Variants in CLOCK observed in about 807,000 individuals in gnomAD.
CLOCK encodes clock circadian regulator, also known as circadian locomoter output cycles protein kaput.
In CLOCK, 43 loss-of-function variants were observed where a neutral mutation model predicts 118.4. The ratio of observed to expected loss-of-function variants is 0.36; its 90% confidence interval spans 0.28 to 0.47. The LOEUF (loss-of-function observed/expected upper bound fraction) is 0.47. Ranked by LOEUF, CLOCK falls within the 20% of genes least tolerant of loss-of-function variation. The pLI, the probability that CLOCK is intolerant of heterozygous loss-of-function variation, is 1.00. For synonymous variants in CLOCK, 326 were observed against 339.2 expected, an observed-to-expected ratio of 0.96 and a Z score of 0.43; for missense variants, 846 against 999.9, an observed-to-expected ratio of 0.85 and a Z score of 2.08.
At chr4:55,512,624 A>AT (rs143397249) in intron 1 of CLOCK, among the ~76,000 whole-genome samples, 4,420 of 152,282 alleles carry the variant, frequency 0.029, 198 homozygotes, top group African/African-American at 0.095. Context: ...GATGTTGAGG[A>AT]TAAAAACTCG....
chr4:55,542,237 G>A (rs28582059), intron 1 of CLOCK, among the ~76,000 whole-genome samples: 3 of 150,774 alleles, frequency 2.0e-5, no homozygotes, highest in Non-Finnish European at 2.9e-5. Flanking sequence ...AGCTACTCTT[G>A]GAGGGCTAAG....
Position 55,428,947 on chromosome 4 carries a change from A to T in CLOCK, c.*6468T>A, listed in dbSNP as rs557466539. 1.3e-5 allele frequency: 2 copies of T among 151,302 alleles called. No individual in the cohort carries two copies. Among genetic ancestry groups the T allele is most frequent in the Non-Finnish European group, 2.9e-5 (2 of 67,832 alleles). The allele number at this position is 151,302 out of a possible 1,614,324, so 9.4% of individuals were successfully genotyped here. A position where few individuals can be genotyped will look rare whatever the true frequency, so the allele number is the denominator to read the frequency against. On this transcript the variant is annotated 3_prime_UTR_variant, in exon 23 of 23. Transcript: ENST00000513440. ...TTCAAAATCATTCCAGTATGGTCTG[A>T]ATGGTAACTGTTCTGGCTGACACAT...
chr4:55,492,040 C>T (rs952098079), intron 2 of CLOCK, among the ~76,000 whole-genome samples: 12 of 152,102 alleles, frequency 7.9e-5, no homozygotes, highest in African/African-American at 2.7e-4. Context: ...CATTTTCAAA[C>T]TCTTTATGAA....
chr4:55,470,692 T>C, intron 8 of CLOCK, 25 bp downstream of exon 8: 1 of 1,461,728 alleles, frequency 6.8e-7, no homozygotes, highest in Non-Finnish European at 9.6e-7. Flanking sequence ...TAATACGAAG[T>C]AGATTGTAGG....
At chr4:55,456,056 A>G in intron 12 of CLOCK, 53 bp from the exon 13 acceptor site, 2 of 1,379,452 alleles carry the variant, frequency 1.4e-6, no homozygotes, top group Non-Finnish European at 2.0e-6. Context: ...AATAAGAAAT[A>G]TTTCAACTAG....
intron 2 of CLOCK, among the ~76,000 whole-genome samples, chr4:55,499,170 G>C (rs1728273163): frequency 4.7e-5 from 1 of 21,372 alleles, no homozygotes; most frequent in Non-Finnish European, 7.2e-5. Flanking sequence ...TCTCAGAGTT[G>C]TCAACTGGCT....
At position 55,482,795 on chromosome 4, in the gene CLOCK, C is replaced by T. The variant is rs748002170; in HGVS notation, c.-10G>A. 3.1e-6 allele frequency: 5 copies of T among 1,605,636 alleles called. No homozygotes were observed. Among genetic ancestry groups the T allele is most frequent in the Admixed American group, 1.7e-5 (1 of 59,632 alleles). On this transcript the variant is annotated 5_prime_UTR_variant, in exon 4 of 23. Coordinates refer to ENST00000513440, the MANE Select transcript of CLOCK (RefSeq NM_004898.4). The stretch of plus-strand genomic sequence containing the variant: ...TTACGGTAAACAACATAACATACTA[C>T]GTTTTCGTCTTGTAGTAGACATTTG...
At chr4:55,507,945 G>A (rs1457402135) in intron 2 of CLOCK, among the ~76,000 whole-genome samples, 2 of 152,072 alleles carry the variant, frequency 1.3e-5, no homozygotes, top group East Asian at 1.9e-4. Context: ...AGACAGTAAA[G>A]GTATTAGTTT....
intron 6 of CLOCK, among the ~76,000 whole-genome samples, chr4:55,477,014 G>C (rs1472114992): frequency 6.6e-6 from 1 of 152,028 alleles, no homozygotes; most frequent in African/African-American, 2.4e-5. Context: ...TAACTAAGAA[G>C]TAGAGCTACT....
chr4:55,450,020 T>C, intron 16 of CLOCK, 71 bp downstream of exon 16: 1 of 1,537,420 alleles, frequency 6.5e-7, no homozygotes, highest in South Asian at 1.1e-5. Context: ...TGATGAGAAA[T>C]GCTGATATAA....
rs1577678684 is a variant in CLOCK, at chr4:55,442,449, A to C, written c.2088T>G (p.Thr696=). ...ACAACTACCTTATCTGCCTGTCCTG[A>C]GTGAATGTAGTTACTGCAGCACTCT... ...STQSAAVTTF[T]QDRQIRFSQG... is the part of the protein sequence containing the mutation. Residue 696 remains threonine (T), a synonymous_variant, in exon 21 of 23, where the codon ACT becomes ACG. Transcript: ENST00000513440. 1 of 1,609,170 alleles carries C rather than the reference A, an allele frequency of 6.2e-7. No individual in the cohort carries two copies. The highest frequency in any genetic ancestry group is 2.2e-5 in the East Asian group (1 of 44,718).
chr4:55,506,572 TA>T (rs1232532318), intron 2 of CLOCK, among the ~76,000 whole-genome samples: 2 of 152,210 alleles, frequency 1.3e-5, no homozygotes, highest in East Asian at 1.9e-4. Flanking sequence ...TTTTATATTT[TA>T]TTTTTTTTAA....
intron 8 of CLOCK, among the ~76,000 whole-genome samples, chr4:55,464,750 A>G (rs571616485): frequency 6.6e-6 from 1 of 152,244 alleles, no homozygotes; most frequent in African/African-American, 2.4e-5. Flanking sequence ...AACATACAAC[A>G]ACAAACAGAG....
intron 16 of CLOCK, 98 bp downstream of exon 16, chr4:55,449,993 A>G: frequency 7.1e-7 from 1 of 1,409,088 alleles, no homozygotes; most frequent in Non-Finnish European, 9.9e-7. Context: ...AAAAACTTAT[A>G]ATTTTAAAGA....
chr4:55,488,653 C>T (rs534512421), intron 3 of CLOCK, among the ~76,000 whole-genome samples: 99 of 152,250 alleles, frequency 6.5e-4, no homozygotes, highest in Non-Finnish European at 1.2e-3. Context: ...TTTGCCATTC[C>T]GATCTCAATT....
At chr4:55,442,725 A>G (rs1170644637) in intron 20 of CLOCK, 91 bp from the exon 21 acceptor site, 6 of 1,129,176 alleles carry the variant, frequency 5.3e-6, no homozygotes, top group Admixed American at 2.0e-5. Flanking sequence ...CAATATGACA[A>G]TATGACAGAG....
At chr4:55,511,494 C>T (rs1391888750) in intron 1 of CLOCK, among the ~76,000 whole-genome samples, 2 of 152,096 alleles carry the variant, frequency 1.3e-5, no homozygotes, top group South Asian at 2.1e-4. Context: ...TGTTTCAGGT[C>T]CACATAAAAA....
At position 55,467,142 on chromosome 4, in the gene CLOCK, G is replaced by A. The variant is rs192863351; in HGVS notation, c.439-3337C>T. ...AATGTCCAGAAGAAAATGGGAAGGT[G>A]ACAGGGTTTTTATTGAGGGAAGTGT... On this transcript the variant is annotated intron_variant, in intron 8 of 22. Coordinates refer to ENST00000513440, the MANE Select transcript of CLOCK (RefSeq NM_004898.4). Among the ~76,000 whole-genome samples, 399 of 152,288 alleles carry A rather than the reference G, an allele frequency of 2.6e-3. 1 individual carries two copies. Among genetic ancestry groups the A allele is most frequent in the Non-Finnish European group, 4.3e-3 (290 of 68,010 alleles).
intron 1 of CLOCK, among the ~76,000 whole-genome samples, chr4:55,539,402 C>T (rs533012740): frequency 7.3e-4 from 111 of 151,614 alleles, no homozygotes; most frequent in African/African-American, 2.5e-3. Flanking sequence ...GACAAGACCC[C>T]GCCTATACAA....
Sources: gnomAD v4.1 joint callset for allele counts (sites outside exome capture counted in the v4.1 genomes callset) on GRCh38, gnomAD v4.1.1 for gene constraint, MANE v1.5 for transcripts, NCBI Gene and HGNC (gene_info 2026-07-23, HGNC 2026-07-21) for gene names.